Variants in TXNDC11 observed in about 807,000 individuals in gnomAD.
The protein encoded by TXNDC11 is thioredoxin domain-containing protein 11.
A neutral mutation model predicts 78.0 loss-of-function variants in TXNDC11; 68 were observed. The ratio of observed to expected loss-of-function variants is 0.87; its 90% confidence interval spans 0.72 to 1.07. The LOEUF (loss-of-function observed/expected upper bound fraction) is 1.07, where lower values mean the gene tolerates loss of function less well. Among genes scored for constraint, TXNDC11 ranks in the 50% least tolerant of loss-of-function variants. TXNDC11 has a pLI of 0.00. For missense variants in TXNDC11, 1,389 were observed against 1,221.8 expected (o/e 1.14, Z -2.04); for synonymous variants, 571 against 495.2 (o/e 1.15, Z -2.03).
At chr16:11,687,833 G>T (rs745356100) in intron 10 of TXNDC11, 24 bp downstream of exon 10, 5 of 1,520,564 alleles carry the variant, frequency 3.3e-6, no homozygotes, top group Non-Finnish European at 4.6e-6. Context: ...ACAGCCCAAA[G>T]CGCTGCAGAA....
At chr16:11,680,369 C>G (rs995527168) in intron 11 of TXNDC11, among the ~76,000 whole-genome samples, 3 of 152,222 alleles carry the variant, frequency 2.0e-5, no homozygotes, top group Non-Finnish European at 2.9e-5. Context: ...GGTGACTGTA[C>G]CCCCATTCCC....
chr16:11,686,074 T>A (rs1335994249), intron 10 of TXNDC11, among the ~76,000 whole-genome samples: 2 of 152,196 alleles, frequency 1.3e-5, no homozygotes. Flanking sequence ...TTCTCCTGCC[T>A]CAGCCTCCTG....
intron 7 of TXNDC11, 78 bp downstream of exon 7, chr16:11,698,047 T>TG: frequency 7.3e-7 from 1 of 1,363,194 alleles, no homozygotes; most frequent in Non-Finnish European, 1.0e-6. Context: ...AGTAAATGAC[T>TG]GAGTGTGGGA....
chr16:11,735,881 C>T, intron 2 of TXNDC11, 136 bp downstream of exon 2: 1 of 728,512 alleles, frequency 1.4e-6, no homozygotes, highest in Non-Finnish European at 2.3e-6. Flanking sequence ...TTATAGAAAG[C>T]TCTGTAACTT....
intron 11 of TXNDC11, among the ~76,000 whole-genome samples, chr16:11,682,666 T>G (rs750200496): frequency 6.6e-6 from 1 of 152,244 alleles, no homozygotes; most frequent in Non-Finnish European, 1.5e-5. Context: ...TTAAACTACA[T>G]GCCCAACTCC....
Position 11,679,504 on chromosome 16 carries a change from A to G in TXNDC11, c.2568T>C (p.Ser856=), listed in dbSNP as rs142898906. Residue 856 remains serine (S), a synonymous_variant, in exon 12 of 12, where the codon AGT becomes AGC. Coordinates refer to ENST00000283033, the MANE Select transcript of TXNDC11 (RefSeq NM_015914.7). The surrounding 1 kb of genome is among the most constrained non-coding windows in gnomAD (Gnocchi z 4.6). ...GCTCATAGAGGGCCTGCAGCTGCTC[A>G]CTGTGTGCGTGGAGCAGGCTGTGCT... ...EEQHSLLHAH[S]EQLQALYEQK... 2.3e-4 allele frequency: 379 copies of G among 1,613,378 alleles called. No individual in the cohort carries two copies. In the African/African-American group the frequency reaches 4.4e-3, roughly 19 times the overall value.
At chr16:11,686,233 C>T (rs893005934) in intron 10 of TXNDC11, among the ~76,000 whole-genome samples, 6 of 152,238 alleles carry the variant, frequency 3.9e-5, no homozygotes, top group Non-Finnish European at 8.8e-5. Flanking sequence ...GCTGGGATTA[C>T]AGGCATGAGC....
chr16:11,714,588 C>T (rs113855970), intron 5 of TXNDC11, among the ~76,000 whole-genome samples: 10,370 of 150,090 alleles, frequency 0.069, 479 homozygotes, highest in South Asian at 0.18. Context: ...TGCAGTGAGC[C>T]GAGATCGCGC....
chr16:11,700,073 T>C (rs1172550489), intron 6 of TXNDC11, among the ~76,000 whole-genome samples: 1 of 152,150 alleles, frequency 6.6e-6, no homozygotes, highest in East Asian at 1.9e-4. Flanking sequence ...TTACTACTCA[T>C]CATAAAAGAA....
At chr16:11,694,709 T>C (rs1342177524) in intron 7 of TXNDC11, among the ~76,000 whole-genome samples, 1 of 152,176 alleles carries the variant, frequency 6.6e-6, no homozygotes, top group East Asian at 1.9e-4. Flanking sequence ...CTCCTCAGCC[T>C]CCCAAAGTGC....
intron 4 of TXNDC11, among the ~76,000 whole-genome samples, chr16:11,726,564 A>G (rs2051884487): frequency 7.3e-6 from 1 of 137,860 alleles, no homozygotes; most frequent in African/African-American, 2.8e-5. Flanking sequence ...TGGACAACAG[A>G]GCGAGACTCC....
chr16:11,701,679 C>T (rs1405649041), intron 5 of TXNDC11, among the ~76,000 whole-genome samples: 2 of 152,148 alleles, frequency 1.3e-5, no homozygotes, highest in Non-Finnish European at 2.9e-5. Flanking sequence ...CTCAACCTCA[C>T]TATCCCAAAA....
At position 11,687,802 on chromosome 16, in the gene TXNDC11, A is replaced by G; in HGVS notation, c.2153+55T>C. The G allele has an allele frequency of 9.0e-6, 11 of 1,216,688 alleles. No individual in the cohort carries two copies. In the South Asian group the frequency reaches 1.4e-4, roughly 15 times the overall value. The allele number at this position is 1,216,688 out of a possible 1,614,324, so 75.4% of individuals were successfully genotyped here. On this transcript the variant is annotated intron_variant, in intron 10 of 11. Transcript: ENST00000283033. ...TCACACACCATATGGCTAAGCTGCA[A>G]ATAAGAGTGAAAATGGGCATACAGC...
chr16:11,691,119 A>G (rs2050701530), intron 8 of TXNDC11, 171 bp downstream of exon 8: 2 of 615,044 alleles, frequency 3.3e-6, no homozygotes, highest in Admixed American at 6.5e-5. Flanking sequence ...CATTTAATAG[A>G]CAAAATTAGC....
intron 6 of TXNDC11, among the ~76,000 whole-genome samples, chr16:11,698,595 A>G (rs17674509): frequency 0.039 from 5,932 of 152,318 alleles, 179 homozygotes; most frequent in Middle Eastern, 0.085. Context: ...TCAACAAATA[A>G]TTCTCCCTGC....
intron 7 of TXNDC11, among the ~76,000 whole-genome samples, chr16:11,693,212 G>C (rs934882062): frequency 6.6e-6 from 1 of 152,148 alleles, no homozygotes; most frequent in South Asian, 2.1e-4. Flanking sequence ...ACAATCCTCT[G>C]TCTTGGTGAG....
intron 4 of TXNDC11, among the ~76,000 whole-genome samples, chr16:11,725,099 A>G (rs2051836610): frequency 6.6e-6 from 1 of 152,138 alleles, no homozygotes; most frequent in South Asian, 2.1e-4. Context: ...ATCTCCCTTT[A>G]TGGGATCTCC....
At chr16:11,684,293 A>C in intron 10 of TXNDC11, 48 bp from the exon 11 acceptor site, 1 of 1,416,936 alleles carries the variant, frequency 7.1e-7, no homozygotes, top group Non-Finnish European at 9.9e-7. Flanking sequence ...CCCAAGAAAC[A>C]CCAACTTGAA....
intron 5 of TXNDC11, among the ~76,000 whole-genome samples, chr16:11,715,833 GGTCA>G (rs1268541960): frequency 6.6e-6 from 1 of 152,138 alleles, no homozygotes; most frequent in Non-Finnish European, 1.5e-5. Context: ...TGGGCCTGCT[GGTCA>G]GTCAATGACA....
Sources: gnomAD v4.1 joint callset for allele counts (sites outside exome capture counted in the v4.1 genomes callset) on GRCh38, gnomAD v4.1.1 for gene constraint, Gnocchi (gnomAD v3.1) non-coding constraint, MANE v1.5 for transcripts, NCBI Gene and HGNC (gene_info 2026-07-23, HGNC 2026-07-21) for gene names.